The following TNFRSF1B variants were observed in gnomAD, a reference collection of about 807,000 sequenced individuals.
TNFRSF1B encodes the protein tumor necrosis factor receptor superfamily member 1B.
A neutral mutation model predicts 44.6 loss-of-function variants in TNFRSF1B; 19 were observed. The observed-to-expected ratio is 0.43, with a 90% CI of 0.30 to 0.62. The LOEUF is 0.62. TNFRSF1B is among the 20% of genes least tolerant of loss of function. TNFRSF1B has a pLI of 0.16. For missense variants in TNFRSF1B, 541 were observed against 619.9 expected, an observed-to-expected ratio of 0.87 and a Z score of 1.35; for synonymous variants, 252 against 261.1, an observed-to-expected ratio of 0.97 and a Z score of 0.34.
chr1:12,191,230 C>A, intron 3 of TNFRSF1B, 145 bp downstream of exon 3: 1 of 1,142,326 alleles, frequency 8.8e-7, no homozygotes, highest in Non-Finnish European at 1.2e-6. Context: ...TTACCCCTAC[C>A]ACTGGCATTT....
intron 8 of TNFRSF1B, among the ~76,000 whole-genome samples, chr1:12,196,872 C>T (rs920674644): frequency 2.6e-5 from 4 of 152,208 alleles, no homozygotes; most frequent in Admixed American, 6.5e-5. Context: ...CCCCACCAAG[C>T]GTTTCCCAAT....
intron 1 of TNFRSF1B, among the ~76,000 whole-genome samples, chr1:12,176,365 G>A (rs1035533654): frequency 6.6e-6 from 1 of 152,222 alleles, no homozygotes; most frequent in East Asian, 1.9e-4. Context: ...TTATGGAGGA[G>A]TAGTACCAAT....
rs1638760344 is a variant in TNFRSF1B, at chr1:12,180,190, G to A, written c.79-8606G>A. 2.6e-5 allele frequency among the ~76,000 whole-genome samples: 4 copies of A among 152,196 alleles called. No individual in the cohort carries two copies. In the South Asian group the frequency reaches 8.3e-4, roughly 32 times the overall value. On this transcript the variant is annotated intron_variant, in intron 1 of 9. Transcript: ENST00000376259. This position sits in a 1 kb window ranked among gnomAD's most constrained non-coding sequence, Gnocchi z 4.3. ...CACGCCTGTAATCCCAGCACTTTGG[G>A]AGGCTGAGGGAGGAGGATCGCTTAA... is the stretch of plus-strand genomic sequence containing the variant.
Position 12,189,069 on chromosome 1 carries a change from C to T in TNFRSF1B, c.178+174C>T, listed in dbSNP as rs5746005. ...AACATGCTGTTCCCTCTTCCTGGCA[C>T]ACTTCCCAACTCCCTTTCCCTGATT... On this transcript the variant is annotated intron_variant, in intron 2 of 9. Coordinates refer to ENST00000376259, the MANE Select transcript of TNFRSF1B (RefSeq NM_001066.3). 2.3e-3 allele frequency among the ~76,000 whole-genome samples: 350 copies of T among 152,346 alleles called. 1 individual carries two copies. The highest frequency in any genetic ancestry group is 7.9e-3 in the African/African-American group (328 of 41,578).
rs1489828872 is a variant in TNFRSF1B at position 12,208,832 on chromosome 1, C to T, written c.*1812C>T. 2.0e-5 allele frequency: 3 copies of T among 152,256 alleles called. No homozygotes were observed. The highest frequency in any genetic ancestry group is 4.4e-5 in the Non-Finnish European group (3 of 68,128). The allele number at this position is 152,256 out of a possible 1,614,324, so 9.4% of individuals were successfully genotyped here. On this transcript the variant is annotated 3_prime_UTR_variant, in exon 10 of 10. Transcript: ENST00000376259. ...GACTGGCTGGCTGCAGTGACGTGCACCTGTACTCAGGAGGCTGAGGGGAGG... is the reference window on the plus strand; with the variant it reads ...GACTGGCTGGCTGCAGTGACGTGCATCTGTACTCAGGAGGCTGAGGGGAGG...
In TNFRSF1B at chr1:12,180,619, G is replaced by A. The variant is rs3766730; in HGVS notation, c.79-8177G>A. Among the ~76,000 whole-genome samples, 17,624 of 152,224 alleles carry A rather than the reference G, an allele frequency of 0.12. 1,273 individuals are homozygous for A. Among genetic ancestry groups the A allele is most frequent in the South Asian group, 0.2 (972 of 4,818 alleles). ...GGCTCCAGCAGAGTCCTAGTCTTGA[G>A]CGAATCTTATACCTGCAGCCCTGTC... On this transcript the variant is annotated intron_variant, in intron 1 of 9. Transcript: ENST00000376259. The surrounding 1 kb of genome is among the most constrained non-coding windows in gnomAD (Gnocchi z 4.3).
intron 8 of TNFRSF1B, among the ~76,000 whole-genome samples, chr1:12,198,424 C>T (rs1040976574): frequency 6.6e-6 from 1 of 152,164 alleles, no homozygotes; most frequent in Non-Finnish European, 1.5e-5. Context: ...AGTGTCTCTC[C>T]TCGCCACCCC....
intron 9 of TNFRSF1B, 26 bp from the exon 10 acceptor site, chr1:12,206,714 C>A (rs1472871738): frequency 9.1e-6 from 14 of 1,544,898 alleles, no homozygotes; most frequent in Non-Finnish European, 1.2e-5. Flanking sequence ...CCCGGACTGA[C>A]CCCCACCCCA....
At chr1:12,203,677 G>A (rs235223) in intron 9 of TNFRSF1B, among the ~76,000 whole-genome samples, 85 of 152,314 alleles carry the variant, frequency 5.6e-4, no homozygotes, top group African/African-American at 1.7e-3. Flanking sequence ...GAATGAGTGC[G>A]CTCCAATTAT....
At chr1:12,192,631 C>T in intron 5 of TNFRSF1B, 107 bp downstream of exon 5, 1 of 1,177,498 alleles carries the variant, frequency 8.5e-7, no homozygotes, top group Non-Finnish European at 1.2e-6. Context: ...GTCCAGACTG[C>T]TTTATCTGAG....
rs767165937 is a variant in TNFRSF1B at position 12,207,022 on chromosome 1, C to T, written c.*2C>T. ...GATGCTGGGATGAAGCCCAGTTAAC[C>T]AGGCCGGTGTGGGCTGTGTCGTAGC... On this transcript the variant is annotated 3_prime_UTR_variant, in exon 10 of 10. Coordinates refer to ENST00000376259, the MANE Select transcript of TNFRSF1B (RefSeq NM_001066.3). 1.1e-4 allele frequency: 166 copies of T among 1,578,792 alleles called. No homozygotes were observed. The highest frequency in any genetic ancestry group is 1.4e-4 in the Non-Finnish European group (157 of 1,156,764).
rs548807413 is a variant in TNFRSF1B at position 12,191,698 on chromosome 1, T to C, written c.308-76T>C. 2,193 of 1,586,156 alleles carry C rather than the reference T, an allele frequency of 1.4e-3. 2 individuals are homozygous for C. The highest frequency in any genetic ancestry group is 1.5e-3 in the Non-Finnish European group (1,687 of 1,161,840). ...CTCCTGGAGATCCGCTGTCTGAGAG[T>C]GCTGGGCTGTCTGGGAGGGCAGCGT... On this transcript the variant is annotated intron_variant, in intron 3 of 9. Coordinates refer to ENST00000376259, the MANE Select transcript of TNFRSF1B (RefSeq NM_001066.3).
chr1:12,175,834 AC>A (rs1305154832), intron 1 of TNFRSF1B, among the ~76,000 whole-genome samples: 1 of 151,762 alleles, frequency 6.6e-6, no homozygotes, highest in Non-Finnish European at 1.5e-5. Flanking sequence ...GAACCTCCTA[AC>A]CGCTGAGCCC....
At chr1:12,196,990 C>T (rs1639281173) in intron 8 of TNFRSF1B, among the ~76,000 whole-genome samples, 1 of 151,670 alleles carries the variant, frequency 6.6e-6, no homozygotes, top group East Asian at 1.9e-4. Flanking sequence ...CTATGTCGCC[C>T]AGGCTGCAGT....
chr1:12,202,101 G>C lies in TNFRSF1B; in HGVS notation c.1035G>C (p.Arg345=), dbSNP rs1379555002. 6.3e-7 allele frequency: 1 copy of C among 1,576,720 alleles called. No homozygotes were observed. Among genetic ancestry groups the C allele is most frequent in the Non-Finnish European group, 8.6e-7 (1 of 1,162,310 alleles). The change falls in exon 9 of 10, where the codon CGG becomes CGC. Residue 345 remains arginine (R), a synonymous_variant. Transcript: ENST00000376259. ...ASALDRRAPT[R]NQPQAPGVEA... ...CGTTGGACAGAAGGGCGCCCACTCG[G>C]AACCAGCCACAGGCACCAGGCGTGG...
intron 2 of TNFRSF1B, among the ~76,000 whole-genome samples, chr1:12,190,405 GC>G (rs552334383): frequency 1.3e-3 from 194 of 145,852 alleles, no homozygotes; most frequent in African/African-American, 4.8e-3. Context: ...GTTGCAGTGA[GC>G]CGAGATTGTG....
Position 12,194,021 on chromosome 1 carries a change from C to A in TNFRSF1B, c.854C>A (p.Thr285Asn). The A allele has an allele frequency of 6.2e-7, 1 of 1,613,852 alleles. No individual in the cohort carries two copies. ...IIGVVNCVIM[T>N]QVKKKPLCLQ... ...GGAGTGGTGAACTGTGTCATCATGACCCAGGTGAAAAGTAAGAGTCCATCC... is the reference window on the plus strand; with the variant it reads ...GGAGTGGTGAACTGTGTCATCATGAACCAGGTGAAAAGTAAGAGTCCATCC... The change falls in exon 7 of 10, where the codon ACC (threonine) becomes AAC (asparagine). Residue 285 changes from threonine (T) to asparagine (N), a missense_variant. Coordinates refer to ENST00000376259, the MANE Select transcript of TNFRSF1B (RefSeq NM_001066.3).
chr1:12,183,085 G>A (rs1638846611), intron 1 of TNFRSF1B, among the ~76,000 whole-genome samples: 3 of 152,358 alleles, frequency 2.0e-5, no homozygotes, highest in Admixed American at 6.5e-5. Context: ...GGTCTAACAC[G>A]CACAGTTGCC....
chr1:12,206,083 G>A (rs1639496065), intron 9 of TNFRSF1B, among the ~76,000 whole-genome samples: 1 of 152,128 alleles, frequency 6.6e-6, no homozygotes, highest in Admixed American at 6.6e-5. Context: ...CGAGATGGGA[G>A]TAGAATCAAG....
Sources: gnomAD v4.1 joint callset for allele counts (sites outside exome capture counted in the v4.1 genomes callset) on GRCh38, gnomAD v4.1.1 for gene constraint, Gnocchi (gnomAD v3.1) non-coding constraint, MANE v1.5 for transcripts, NCBI Gene and HGNC (gene_info 2026-07-23, HGNC 2026-07-21) for gene names.